The following DAP3 variants were observed in gnomAD, a reference collection of about 807,000 sequenced individuals.
The protein encoded by DAP3 is small ribosomal subunit protein mS29.
A neutral mutation model predicts 51.9 loss-of-function variants in DAP3; 28 were observed. The observed-to-expected ratio is 0.54, with a 90% CI of 0.40 to 0.74. DAP3 has a LOEUF of 0.74. Among genes scored for constraint, DAP3 ranks in the 30% least tolerant of loss-of-function variants. The probability of loss-of-function intolerance (pLI) is 0.00; values close to 1 mark genes in which losing one functional copy is unlikely to be tolerated. For synonymous variants in DAP3, 170 were observed against 170.3 expected (o/e 1.00, Z 0.01); for missense variants, 458 against 483.5 (o/e 0.95, Z 0.49).
intron 1 of DAP3, among the ~76,000 whole-genome samples, chr1:155,704,780 G>A (rs932025746): frequency 2.0e-5 from 3 of 152,062 alleles, no homozygotes; most frequent in East Asian, 1.9e-4. Context: ...AAAATTTTGA[G>A]AACAGCCTAG....
At chr1:155,697,541 C>A (rs958971214) in intron 1 of DAP3, among the ~76,000 whole-genome samples, 5 of 152,022 alleles carry the variant, frequency 3.3e-5, no homozygotes, top group Non-Finnish European at 7.4e-5. Context: ...GCCGCAAAAC[C>A]AGCAAGTTTT....
chr1:155,716,827 A>G (rs1657391559), intron 2 of DAP3, among the ~76,000 whole-genome samples, 179 bp from the exon 3 acceptor site: 2 of 151,678 alleles, frequency 1.3e-5, no homozygotes, highest in South Asian at 4.2e-4. Flanking sequence ...CACGCCTGTA[A>G]TCCCAGTTAC....
upstream of DAP3, chr1:155,688,154 AC>A (rs759305003): frequency 3.1e-5 from 50 of 1,613,656 alleles, no homozygotes; most frequent in Non-Finnish European, 4.2e-5. Flanking sequence ...CCCTGGGTCC[AC>A]CGCGGATCCC....
At chr1:155,688,218 AGAG>A (rs752215310), upstream of DAP3, 55 of 1,613,656 alleles carry the variant, frequency 3.4e-5, 1 homozygote, top group South Asian at 5.4e-4. Context: ...GAAATGCGAG[AGAG>A]GAGAAGGGAA....
intron 11 of DAP3, among the ~76,000 whole-genome samples, chr1:155,735,980 G>A (rs1268324098): frequency 2.6e-5 from 4 of 151,226 alleles, no homozygotes; most frequent in African/African-American, 7.3e-5. Context: ...TAGCTGGGAC[G>A]ACAGGTGCAT....
upstream of DAP3, chr1:155,688,740 C>A (rs983948468): frequency 5.3e-6 from 8 of 1,518,178 alleles, no homozygotes; most frequent in African/African-American, 8.3e-5. Context: ...CACCAACCGC[C>A]GCCAAAGCAG....
At chr1:155,718,474 G>A (rs1238892641) in intron 3 of DAP3, among the ~76,000 whole-genome samples, 1 of 152,046 alleles carries the variant, frequency 6.6e-6, no homozygotes, top group East Asian at 1.9e-4. Flanking sequence ...CATGAGGTCA[G>A]GAGACTGAGA....
At chr1:155,707,868 T>C (rs150144812) in intron 1 of DAP3, among the ~76,000 whole-genome samples, 76 of 152,330 alleles carry the variant, frequency 5.0e-4, no homozygotes, top group African/African-American at 1.4e-3. Flanking sequence ...TTGAGATCCA[T>C]GTTGATGCAT....
At chr1:155,717,763 C>T (rs76135730) in intron 3 of DAP3, among the ~76,000 whole-genome samples, 3,382 of 152,200 alleles carry the variant, frequency 0.022, 52 homozygotes, top group Non-Finnish European at 0.034. Context: ...AAGTGGATTT[C>T]CTAGGGTCTG....
chr1:155,717,294 C>T (rs1657453777), intron 3 of DAP3, among the ~76,000 whole-genome samples, 166 bp downstream of exon 3: 1 of 152,166 alleles, frequency 6.6e-6, no homozygotes, highest in South Asian at 2.1e-4. Context: ...CTGTCCCTGT[C>T]TGATACTGTG....
chr1:155,717,859 A>G (rs767854484), intron 3 of DAP3, among the ~76,000 whole-genome samples: 8 of 152,218 alleles, frequency 5.3e-5, no homozygotes, highest in Non-Finnish European at 1.2e-4. Context: ...AGCAGTATCT[A>G]GTGTTGCATT....
Position 155,691,572 on chromosome 1 carries a change from A to G in DAP3, c.-8+2398A>G, listed in dbSNP as rs376785981. Among the ~76,000 whole-genome samples, 57 of 141,926 alleles carry G rather than the reference A, an allele frequency of 4.0e-4. 1 individual carries two copies. The South Asian group carries it at 0.011, about 28-fold the overall frequency. 93.1% of individuals were successfully genotyped at this position (141,926 alleles called of 152,430 possible). ...GAACATTTGTGTACAACTTTTGCATACACTTGTTTTTATTTCTCTTTTATA... is the reference window on the plus strand; with the variant it reads ...GAACATTTGTGTACAACTTTTGCATGCACTTGTTTTTATTTCTCTTTTATA... On this transcript the variant is annotated intron_variant, in intron 1 of 12. Transcript: ENST00000368336.
chr1:155,736,687 G>A, intron 11 of DAP3: 2 of 438,614 alleles, frequency 4.6e-6, no homozygotes, highest in South Asian at 2.3e-5. Context: ...AAGGTGCTGG[G>A]ATTACAGGTG....
intron 11 of DAP3, among the ~76,000 whole-genome samples, chr1:155,735,995 C>T (rs183055641): frequency 1.3e-5 from 2 of 152,100 alleles, no homozygotes; most frequent in Admixed American, 1.3e-4. Flanking sequence ...GTGCATGCCA[C>T]CACGCCCAGC....
chr1:155,718,168 T>C (rs1441498916), intron 3 of DAP3, among the ~76,000 whole-genome samples: 1 of 151,968 alleles, frequency 6.6e-6, no homozygotes, highest in Admixed American at 6.6e-5. Context: ...GGAGGATCAC[T>C]TGAGGTCAGG....
upstream of DAP3, chr1:155,689,023 G>A (rs773200259): frequency 7.6e-6 from 12 of 1,583,222 alleles, no homozygotes; most frequent in Non-Finnish European, 1.0e-5. Context: ...CCCTCTGCCG[G>A]CCGGTGGTTG....
Position 155,725,433 on chromosome 1 carries a change from C to A in DAP3, c.322C>A (p.Leu108Ile), listed in dbSNP as rs748621976. ...CLMVRKPALE[L>I]LHYLKNTSFA... ...GATGGTAAGGAAACCAGCCCTAGAACTTCTGCATTACCTGAAAAACACCAG... is the reference window on the plus strand; with the variant it reads ...GATGGTAAGGAAACCAGCCCTAGAAATTCTGCATTACCTGAAAAACACCAG... The change falls in exon 5 of 13, where the codon CTT becomes ATT. Residue 108 changes from leucine to isoleucine, a missense_variant. Leu to Ile is a conservative substitution (Grantham distance 5, BLOSUM62 2). Transcript: ENST00000368336. The A allele has an allele frequency of 6.2e-7, 1 of 1,614,160 alleles. No homozygotes were observed. The highest frequency in any genetic ancestry group is 1.1e-5 in the South Asian group (1 of 91,090).
chr1:155,721,400 G>GTA (rs58709945), intron 3 of DAP3, 117 bp from the exon 4 acceptor site: 14,198 of 429,254 alleles, frequency 0.033, 137 homozygotes, highest in African/African-American at 0.058. Flanking sequence ...ATGTATGTAT[G>GTA]TATATATATA....
chr1:155,725,447 G>C lies in DAP3; in HGVS notation c.336G>C (p.Leu112=). The C allele has an allele frequency of 6.2e-7, 1 of 1,614,092 alleles. No individual in the cohort carries two copies. Among genetic ancestry groups the C allele is most frequent in the Non-Finnish European group, 8.5e-7 (1 of 1,180,032 alleles). The part of the protein sequence containing the change: ...RKPALELLHY[L]KNTSFAYPAI... ...CAGCCCTAGAACTTCTGCATTACCTGAAAAACACCAGTTTTGCTTATCCAG... is the reference window on the plus strand; with the variant it reads ...CAGCCCTAGAACTTCTGCATTACCTCAAAAACACCAGTTTTGCTTATCCAG... Residue 112 remains leucine (L), a synonymous_variant, in exon 5 of 13, where the codon CTG becomes CTC. Transcript: ENST00000368336.
Sources: gnomAD v4.1 joint callset for allele counts (sites outside exome capture counted in the v4.1 genomes callset) on GRCh38, gnomAD v4.1.1 for gene constraint, MANE v1.5 for transcripts, NCBI Gene and HGNC (gene_info 2026-07-23, HGNC 2026-07-21) for gene names.